The following MYO5C variants were observed in gnomAD, a reference collection of about 807,000 sequenced individuals.
MYO5C encodes myosin VC, also known as unconventional myosin-Vc.
Under a neutral mutation model 235.7 loss-of-function variants are expected in MYO5C, and 194 were observed. The ratio of observed to expected loss-of-function variants is 0.82; its 90% CI spans 0.73 to 0.93. The LOEUF (loss-of-function observed/expected upper bound fraction) is 0.93, where lower values mean the gene tolerates loss of function less well. Among genes scored for constraint, MYO5C ranks in the 40% least tolerant of loss-of-function variants. MYO5C has a pLI of 0.00. For missense variants in MYO5C, 2,038 were observed against 2,127.2 expected (o/e 0.96, Z 0.82); for synonymous variants, 707 against 754.8 (o/e 0.94, Z 1.04).
chr15:52,274,508 A>G (rs1437195829), intron 5 of MYO5C, among the ~76,000 whole-genome samples: 2 of 152,024 alleles, frequency 1.3e-5, no homozygotes, highest in Non-Finnish European at 2.9e-5. Flanking sequence ...GGAACTTCTG[A>G]GCTCAAGCAA....
At position 52,270,597 on chromosome 15, in the gene MYO5C, T is replaced by C. The variant is rs1194614095; in HGVS notation, c.833-737A>G. 2.0e-5 allele frequency among the ~76,000 whole-genome samples: 3 copies of C among 151,216 alleles called. 1 individual carries two copies. In the South Asian group the frequency reaches 6.2e-4, roughly 31 times the overall value. ...CTCTCTCTACATATATATGTATATA[T>C]ACACACACATTTATATATGTATATA... On this transcript the variant is annotated intron_variant, in intron 7 of 40. Transcript: ENST00000261839.
In MYO5C at chr15:52,279,639, A is replaced by T; in HGVS notation, c.174T>A (p.Pro58=). 1.2e-6 allele frequency: 2 copies of T among 1,613,566 alleles called. No homozygotes were observed. Among genetic ancestry groups the T allele is most frequent in the South Asian group, 2.2e-5 (2 of 91,074 alleles). The change falls in exon 3 of 41, where the codon CCT becomes CCA. Residue 58 remains proline, a synonymous_variant. Transcript: ENST00000261839. ...CGAGGATGTCAGGATTCCGAAGTGG[A>T]GGCAGAGATTCTGGATTGACAGAAT... ...LDYSVNPESL[P]PLRNPDILVG...
chr15:52,208,470 T>C (rs1446804430), intron 36 of MYO5C, 84 bp downstream of exon 36: 2 of 1,247,454 alleles, frequency 1.6e-6, no homozygotes, highest in South Asian at 1.3e-5. Flanking sequence ...GTGGAGAGGA[T>C]AGAGGCTCTA....
chr15:52,226,458 G>C (rs2035824221), intron 25 of MYO5C, among the ~76,000 whole-genome samples: 1 of 152,224 alleles, frequency 6.6e-6, no homozygotes, highest in African/African-American at 2.4e-5. Flanking sequence ...GACTTTCAGG[G>C]ACAGCAGAGG....
In MYO5C at chr15:52,236,318, G is replaced by C. The variant is rs944292903; in HGVS notation, c.2869-555C>G. The stretch of plus-strand genomic sequence containing the variant: ...TTGGTGCACCCAGCACCGGGTCATG[G>C]GGAGGGCAAAGGGATGTCTTCTGGG... On this transcript the variant is annotated intron_variant, in intron 22 of 40. Transcript: ENST00000261839. 2.6e-5 allele frequency among the ~76,000 whole-genome samples: 4 copies of C among 152,346 alleles called. No homozygotes were observed. In the South Asian group the frequency reaches 8.3e-4, roughly 32 times the overall value.
chr15:52,274,676 C>CCG (rs1045352676), intron 5 of MYO5C, among the ~76,000 whole-genome samples: 3 of 148,542 alleles, frequency 2.0e-5, no homozygotes, highest in South Asian at 2.2e-4. Flanking sequence ...TAGTACCCCC[C>CCG]CCCCGACATA....
Position 52,216,007 on chromosome 15 carries a change from A to G in MYO5C, c.3955-1317T>C, listed in dbSNP as rs2035543312. Among the ~76,000 whole-genome samples the G allele has an allele frequency of 2.6e-5, 4 of 152,278 alleles. No individual in the cohort carries two copies. In the South Asian group the frequency reaches 8.3e-4, roughly 32 times the overall value. On this transcript the variant is annotated intron_variant, in intron 32 of 40. Transcript: ENST00000261839. ...CACTCTGAACAAAAATCTCGTCCAC[A>G]TGTTCAAGTATTTACTTAGGATAGA... is the stretch of plus-strand genomic sequence containing the variant.
chr15:52,271,436 C>T (rs2036923190), intron 7 of MYO5C, among the ~76,000 whole-genome samples: 1 of 152,078 alleles, frequency 6.6e-6, no homozygotes, highest in Admixed American at 6.5e-5. Context: ...GCCATGTTGG[C>T]CAGGCTGGTC....
rs1264702831 is a variant in MYO5C at position 52,264,407 on chromosome 15, GA to G, written c.941-112del. ...AGGTAGCATCAGTGCCAAGCTCTGG[GA>G]CAGGAACGTGAAGTGGACCCCAGGG... On this transcript the variant is annotated intron_variant, in intron 8 of 40. Coordinates refer to ENST00000261839, the MANE Select transcript of MYO5C (RefSeq NM_018728.4). 3.5e-6 allele frequency: 3 copies of G among 852,422 alleles called. No homozygotes were observed. The East Asian group carries it at 7.9e-5, about 23-fold the overall frequency. The allele number at this position is 852,422 out of a possible 1,614,324, so 52.8% of individuals were successfully genotyped here.
intron 1 of MYO5C, among the ~76,000 whole-genome samples, chr15:52,289,197 C>A (rs1195179643): frequency 6.6e-6 from 1 of 151,900 alleles, no homozygotes; most frequent in Non-Finnish European, 1.5e-5. Flanking sequence ...CACTGCCCCC[C>A]ATGTCCGTGT....
intron 32 of MYO5C, among the ~76,000 whole-genome samples, chr15:52,215,896 C>T (rs1566965009): frequency 6.6e-6 from 1 of 152,174 alleles, no homozygotes; most frequent in Non-Finnish European, 1.5e-5. Context: ...TATCATACAA[C>T]AATTTAACCT....
Position 52,247,535 on chromosome 15 carries a change from A to T in MYO5C, c.1804T>A (p.Ser602Thr), listed in dbSNP as rs189381296. 6.2e-7 allele frequency: 1 copy of T among 1,614,202 alleles called. No individual in the cohort carries two copies. The highest frequency in any genetic ancestry group is 2.2e-5 in the East Asian group (1 of 44,886). Reference protein sequence around the residue: ...ENPTPPSPFGSMITVKSAKQV... With the variant: ...ENPTPPSPFGTMITVKSAKQV... ...TTTGCAGATTTAACTGTAATCATTG[A>T]ACCAAAAGGAGAAGGAGGAGTTGGA... Residue 602 changes from serine to threonine, a missense_variant, in exon 15 of 41, where the codon TCA becomes ACA. By Grantham distance (58) the Ser-to-Thr change is moderately conservative (BLOSUM62 1). Coordinates refer to ENST00000261839, the MANE Select transcript of MYO5C (RefSeq NM_018728.4).
rs754545758 is a variant in MYO5C at position 52,269,852 on chromosome 15, C to T, written c.841G>A (p.Glu281Lys). Residue 281 changes from glutamate to lysine, a missense_variant, in exon 8 of 41, where the codon GAA (glutamate) becomes AAA (lysine). Coordinates refer to ENST00000261839, the MANE Select transcript of MYO5C (RefSeq NM_018728.4). The stretch of plus-strand genomic sequence containing the variant: ...CCCATTCTTGTATAATTAAATTCTT[C>T]GGCACTCCCTGAAATCAAAAAGTAA... ...EFKHLKLGSA[E>K]EFNYTRMGGN... The T allele has an allele frequency of 6.5e-5, 104 of 1,608,904 alleles. No homozygotes were observed. Among genetic ancestry groups the T allele is most frequent in the South Asian group, 4.8e-4 (44 of 90,938 alleles).
At position 52,223,691 on chromosome 15, in the gene MYO5C, A is replaced by G. The variant is rs1053130837; in HGVS notation, c.3480T>C (p.Asp1160=). Residue 1160 remains aspartate (D), a synonymous_variant, in exon 29 of 41, where the codon GAT becomes GAC. Coordinates refer to ENST00000261839, the MANE Select transcript of MYO5C (RefSeq NM_018728.4). ...AAGCTTCAATCTCCTTTTCATAGCA[A>G]TCCTTCTGAGACTGGAAATGGCTCT... The part of the protein sequence containing the change: ...VLESHFQSQK[D]CYEKEIEALN... 6.2e-7 allele frequency: 1 copy of G among 1,613,966 alleles called. No homozygotes were observed. The highest frequency in any genetic ancestry group is 8.5e-7 in the Non-Finnish European group (1 of 1,180,002).
intron 21 of MYO5C, 28 bp downstream of exon 21, chr15:52,239,705 A>C (rs2036169571): frequency 6.4e-7 from 1 of 1,562,958 alleles, no homozygotes; most frequent in Non-Finnish European, 8.7e-7. Flanking sequence ...GAAAAAGTAA[A>C]TGTAAAAGAT....
At chr15:52,283,317 G>T (rs1356134041) in intron 1 of MYO5C, among the ~76,000 whole-genome samples, 1 of 152,226 alleles carries the variant, frequency 6.6e-6, no homozygotes, top group Non-Finnish European at 1.5e-5. Context: ...ATTTTCACCA[G>T]TTCCCTGGGA....
chr15:52,281,740 G>A (rs2037166208), intron 2 of MYO5C, among the ~76,000 whole-genome samples: 1 of 152,216 alleles, frequency 6.6e-6, no homozygotes, highest in African/African-American at 2.4e-5. Context: ...ATTCTAGAGG[G>A]TGTGTCTTTA....
rs201858266 is a variant in MYO5C, at chr15:52,261,142, A to G, written c.1048-15T>C. 188 of 1,611,858 alleles carry G rather than the reference A, an allele frequency of 1.2e-4. No individual in the cohort carries two copies. The highest frequency in any genetic ancestry group is 1.7e-4 in the Middle Eastern group (1 of 6,006). On this transcript the variant is annotated splice_polypyrimidine_tract_variant and intron_variant, in intron 9 of 40. Transcript: ENST00000261839. The stretch of plus-strand genomic sequence containing the variant: ...CTGTCATCCTCCTTCAAAAACAAGC[A>G]CAAGCCCCGTCAGGTGGCCCAGCCA...
At chr15:52,250,605 A>G (rs1406267445) in intron 13 of MYO5C, among the ~76,000 whole-genome samples, 1 of 152,168 alleles carries the variant, frequency 6.6e-6, no homozygotes, top group Non-Finnish European at 1.5e-5. Flanking sequence ...ACAGCTTTCC[A>G]GGTTGCTGTC....
Sources: gnomAD v4.1 joint callset for allele counts (sites outside exome capture counted in the v4.1 genomes callset) on GRCh38, gnomAD v4.1.1 for gene constraint, MANE v1.5 for transcripts, NCBI Gene and HGNC (gene_info 2026-07-23, HGNC 2026-07-21) for gene names.